DNM3: variants seen among roughly 807,000 people sequenced by gnomAD.
DNM3 encodes dynamin 3.
Under a neutral mutation model 101.6 loss-of-function variants are expected in DNM3, and 47 were observed. That is an observed-to-expected ratio of 0.46 (90% CI 0.37 to 0.59). The LOEUF is 0.59. DNM3 is among the 20% of genes least tolerant of loss of function. The pLI is 0.00. For missense variants in DNM3, 849 were observed against 1,085.7 expected (o/e 0.78, Z 3.06); for synonymous variants, 385 against 387.9 (o/e 0.99, Z 0.09).
At chr1:172,134,963 C>T (rs749439880) in intron 14 of DNM3, among the ~76,000 whole-genome samples, 1 of 152,072 alleles carries the variant, frequency 6.6e-6, no homozygotes, top group Non-Finnish European at 1.5e-5. Context: ...GCTGGAGAGT[C>T]ACATGATAAG....
rs539928843 is a variant in DNM3 at position 171,842,741 on chromosome 1, T to G, written c.161+924T>G. On this transcript the variant is annotated intron_variant, in intron 1 of 20. Coordinates refer to ENST00000627582, the MANE Select transcript of DNM3 (RefSeq NM_015569.5). ...TAAATTGTAGCTGTGGTTTTCCTCATGACTCTTAATACAGAAACAGCTAAG... is the reference window on the plus strand; with the variant it reads ...TAAATTGTAGCTGTGGTTTTCCTCAGGACTCTTAATACAGAAACAGCTAAG... Among the ~76,000 whole-genome samples, 204 of 152,344 alleles carry G rather than the reference T, an allele frequency of 1.3e-3. 6 individuals are homozygous for G. The South Asian group carries it at 0.037, about 28-fold the overall frequency.
intron 17 of DNM3, among the ~76,000 whole-genome samples, chr1:172,361,021 AC>A (rs1288135509): frequency 1.3e-5 from 2 of 151,992 alleles, no homozygotes; most frequent in African/African-American, 4.8e-5. Context: ...GCTATACCTG[AC>A]TTTTACAACA....
chr1:172,172,302 G>T (rs1284288837), intron 14 of DNM3, among the ~76,000 whole-genome samples: 1 of 151,504 alleles, frequency 6.6e-6, no homozygotes, highest in Admixed American at 6.6e-5. Context: ...CCAAGACTCC[G>T]CATAGATGCC....
chr1:172,060,336 G>GA (rs1167153591), intron 10 of DNM3, among the ~76,000 whole-genome samples: 1 of 96,582 alleles, frequency 1.0e-5, no homozygotes, highest in Non-Finnish European at 2.0e-5. Flanking sequence ...CACAGAATTG[G>GA]AAAAAACTAC....
At chr1:172,208,938 G>C (rs932101185) in intron 14 of DNM3, among the ~76,000 whole-genome samples, 1 of 152,112 alleles carries the variant, frequency 6.6e-6, no homozygotes, top group African/African-American at 2.4e-5. Context: ...CATGGATCCA[G>C]GTAGAAAGGA....
At chr1:172,117,530 A>G (rs1000369129) in intron 13 of DNM3, among the ~76,000 whole-genome samples, 1 of 152,062 alleles carries the variant, frequency 6.6e-6, no homozygotes, top group Non-Finnish European at 1.5e-5. Flanking sequence ...TTTTTCTCGC[A>G]GCCACCGTGT....
intron 2 of DNM3, among the ~76,000 whole-genome samples, chr1:171,944,143 TTG>T (rs1421285216): frequency 9.2e-5 from 14 of 152,128 alleles, no homozygotes; most frequent in Non-Finnish European, 1.9e-4. Context: ...GGGTCTGGCT[TTG>T]TTCCAATAAA....
chr1:172,188,337 C>G (rs1373295447), intron 14 of DNM3, among the ~76,000 whole-genome samples: 1 of 152,032 alleles, frequency 6.6e-6, no homozygotes, highest in East Asian at 1.9e-4. Context: ...CTTCAGCCTC[C>G]TGAGTAGCTG....
At chr1:172,120,393 T>G (rs2056231937) in intron 13 of DNM3, among the ~76,000 whole-genome samples, 1 of 152,174 alleles carries the variant, frequency 6.6e-6, no homozygotes, top group South Asian at 2.1e-4. Context: ...ATGTGGGAAT[T>G]ATGGGAGCTA....
intron 17 of DNM3, among the ~76,000 whole-genome samples, chr1:172,345,910 G>A (rs1164644774): frequency 1.3e-5 from 2 of 152,120 alleles, no homozygotes; most frequent in Non-Finnish European, 2.9e-5. Context: ...CACGAGGTCA[G>A]GAAATCGAGA....
intron 4 of DNM3, among the ~76,000 whole-genome samples, chr1:172,004,745 A>G (rs1023394720): frequency 3.9e-5 from 6 of 152,010 alleles, no homozygotes; most frequent in Non-Finnish European, 7.4e-5. Flanking sequence ...GAGAATATAC[A>G]GTCTCTACCT....
chr1:172,082,643 CAA>C (rs60193003), intron 12 of DNM3, among the ~76,000 whole-genome samples: 3,201 of 152,098 alleles, frequency 0.021, 104 homozygotes, highest in African/African-American at 0.071. Flanking sequence ...AAATGTAAAA[CAA>C]AAGAGCCTAT....
In DNM3 at chr1:171,843,748, T is replaced by C. The variant is rs546447616; in HGVS notation, c.161+1931T>C. On this transcript the variant is annotated intron_variant, in intron 1 of 20. Transcript: ENST00000627582. ...ATGTTATAATAAAATTGTACACATCTCCCCACACTAGCTATGTTCTTTTGG... is the reference window on the plus strand; with the variant it reads ...ATGTTATAATAAAATTGTACACATCCCCCCACACTAGCTATGTTCTTTTGG... Among the ~76,000 whole-genome samples, 15 of 152,186 alleles carry C rather than the reference T, an allele frequency of 9.9e-5. No homozygotes were observed. In the East Asian group the frequency reaches 2.3e-3, roughly 23 times the overall value.
chr1:171,968,363 T>G (rs1303126033), intron 2 of DNM3, among the ~76,000 whole-genome samples: 1 of 152,164 alleles, frequency 6.6e-6, no homozygotes, highest in African/African-American at 2.4e-5. Flanking sequence ...ATCAGGCAAC[T>G]CCTCATTTTA....
intron 15 of DNM3, among the ~76,000 whole-genome samples, chr1:172,262,175 AT>A (rs993036282): frequency 3.3e-5 from 5 of 152,076 alleles, no homozygotes; most frequent in African/African-American, 1.2e-4. Context: ...CATGGGCTTC[AT>A]TTGTGTCTTG....
intron 14 of DNM3, among the ~76,000 whole-genome samples, chr1:172,194,715 T>C (rs1438983438): frequency 6.6e-6 from 1 of 152,126 alleles, no homozygotes; most frequent in Admixed American, 6.6e-5. Context: ...ATTTGCTTGG[T>C]AGATCTTCCT....
chr1:172,305,595 G>C (rs1248011686), intron 15 of DNM3, among the ~76,000 whole-genome samples: 1 of 152,164 alleles, frequency 6.6e-6, no homozygotes, highest in Non-Finnish European at 1.5e-5. Context: ...GAGAATTTTA[G>C]AACAATATCC....
intron 20 of DNM3, among the ~76,000 whole-genome samples, chr1:172,403,156 G>C (rs1395757908): frequency 6.6e-6 from 1 of 152,162 alleles, no homozygotes; most frequent in African/African-American, 2.4e-5. Flanking sequence ...TGAGACCTTA[G>C]TGCAAGCACA....
chr1:171,976,699 G>A (rs1162439046), intron 2 of DNM3, among the ~76,000 whole-genome samples: 1 of 152,148 alleles, frequency 6.6e-6, no homozygotes, highest in East Asian at 1.9e-4. Context: ...AATAATGTTG[G>A]CGGCAACTTG....
Sources: gnomAD v4.1 joint callset for allele counts (sites outside exome capture counted in the v4.1 genomes callset) on GRCh38, gnomAD v4.1.1 for gene constraint, MANE v1.5 for transcripts, NCBI Gene and HGNC (gene_info 2026-07-23, HGNC 2026-07-21) for gene names.